The following MAPK4 variants were observed in gnomAD, a reference collection of about 807,000 sequenced individuals.
MAPK4 encodes the protein mitogen-activated protein kinase 4.
In MAPK4, 22 loss-of-function variants were observed where a neutral mutation model predicts 47.7. The observed-to-expected ratio is 0.46, with a 90% CI of 0.33 to 0.66. MAPK4 has a LOEUF of 0.66. Ranked by LOEUF, MAPK4 falls within the 30% of genes least tolerant of loss-of-function variation. The probability of loss-of-function intolerance (pLI) is 0.02; values close to 1 mark genes in which losing one functional copy is unlikely to be tolerated. For missense variants in MAPK4, 736 were observed against 831.7 expected (o/e 0.88, Z 1.42); for synonymous variants, 390 against 365.7 (o/e 1.07, Z -0.76).
Position 50,664,034 on chromosome 18 carries a change from C to T in MAPK4, c.76C>T (p.Leu26=), listed in dbSNP as rs1907437776. ...LGGRFVDFQP[L]GFGVNGLVLS... is the part of the protein sequence containing the mutation. ...TGGGCGCTTTGTTGACTTCCAACCC[C>T]TGGGCTTCGGTGTCAATGGTTTGGT... The change falls in exon 2 of 6, where the codon CTG becomes TTG. Residue 26 remains leucine (L), a synonymous_variant. Transcript: ENST00000400384. This position sits in a 1 kb window ranked among gnomAD's most constrained non-coding sequence, Gnocchi z 6.0. 1 of 1,613,784 alleles carries T rather than the reference C, an allele frequency of 6.2e-7. No homozygotes were observed. Among genetic ancestry groups the T allele is most frequent in the African/African-American group, 1.3e-5 (1 of 75,038 alleles).
chr18:50,572,111 G>T lies in MAPK4; in HGVS notation c.-871+11868G>T, dbSNP rs117957728. On this transcript the variant is annotated intron_variant, in intron 1 of 5. Transcript: ENST00000400384. ...GGTGAGAAAATGAAAAATTTCTTAT[G>T]AATTATTATGAAGTTTCAATACTTG... Among the ~76,000 whole-genome samples the T allele has an allele frequency of 5.8e-3, 889 of 152,260 alleles. 6 individuals carry two copies. The highest frequency in any genetic ancestry group is 6.1e-3 in the Non-Finnish European group (418 of 68,016).
At chr18:50,582,781 C>T (rs1189093822) in intron 1 of MAPK4, among the ~76,000 whole-genome samples, 1 of 152,268 alleles carries the variant, frequency 6.6e-6, no homozygotes, top group Non-Finnish European at 1.5e-5. Context: ...ACACGAGCAG[C>T]TTCCATGTTG....
chr18:50,592,329 C>A, intron 1 of MAPK4, among the ~76,000 whole-genome samples: 1 of 152,094 alleles, frequency 6.6e-6, no homozygotes, highest in East Asian at 1.9e-4. Flanking sequence ...AAATAAAAAT[C>A]TATAAAGAAC....
intron 2 of MAPK4, among the ~76,000 whole-genome samples, chr18:50,665,300 C>A (rs907719471): frequency 6.6e-6 from 1 of 152,222 alleles, no homozygotes; most frequent in Non-Finnish European, 1.5e-5. Flanking sequence ...ACATTCCCTT[C>A]CTTCCCCTGC....
intron 1 of MAPK4, among the ~76,000 whole-genome samples, chr18:50,583,070 G>C (rs185048857): frequency 7.2e-5 from 11 of 152,320 alleles, no homozygotes. Context: ...GTGACCAAGA[G>C]GAATGAGGTG....
intron 1 of MAPK4, among the ~76,000 whole-genome samples, chr18:50,626,233 A>G (rs1296997158): frequency 3.9e-5 from 6 of 152,222 alleles, no homozygotes; most frequent in Admixed American, 3.9e-4. Flanking sequence ...ATCCAGAATA[A>G]TGTTTGACCA....
intron 2 of MAPK4, among the ~76,000 whole-genome samples, chr18:50,676,911 G>A (rs941036537): frequency 6.6e-6 from 1 of 152,180 alleles, no homozygotes; most frequent in Non-Finnish European, 1.5e-5. Context: ...AAATAGACTT[G>A]AGTAAGGGTC....
intron 1 of MAPK4, among the ~76,000 whole-genome samples, chr18:50,588,122 C>CG (rs2035784713): frequency 1.8e-3 from 2 of 1,120 alleles, no homozygotes; most frequent in Admixed American, 0.019. Flanking sequence ...CACCCCAAAA[C>CG]TTGTGCCTTA....
intron 1 of MAPK4, among the ~76,000 whole-genome samples, chr18:50,605,594 G>T (rs1315545086): frequency 6.6e-6 from 1 of 152,178 alleles, no homozygotes; most frequent in African/African-American, 2.4e-5. Flanking sequence ...TGGGCAGTTT[G>T]CCGATCTCCT....
chr18:50,648,075 C>T (rs956066675), intron 1 of MAPK4, among the ~76,000 whole-genome samples: 12 of 151,118 alleles, frequency 7.9e-5, no homozygotes, highest in African/African-American at 2.9e-4. Context: ...TCTTGGGATT[C>T]CCAGTATGAT....
At chr18:50,593,650 C>T (rs1196571572) in intron 1 of MAPK4, among the ~76,000 whole-genome samples, 2 of 152,108 alleles carry the variant, frequency 1.3e-5, no homozygotes, top group Non-Finnish European at 2.9e-5. Context: ...AATCCACTCC[C>T]CTAAAAGGAC....
intron 2 of MAPK4, among the ~76,000 whole-genome samples, chr18:50,693,551 G>A (rs1598919273): frequency 6.6e-6 from 1 of 152,160 alleles, no homozygotes; most frequent in East Asian, 1.9e-4. Flanking sequence ...TCTGAGTGCT[G>A]CACTATGTGA....
intron 2 of MAPK4, chr18:50,704,930 G>A: frequency 2.5e-6 from 1 of 396,990 alleles, no homozygotes. Context: ...AAGTGCTTTT[G>A]GACTCACATT....
intron 2 of MAPK4, among the ~76,000 whole-genome samples, chr18:50,712,774 A>G (rs1039734111): frequency 6.6e-6 from 1 of 152,212 alleles, no homozygotes; most frequent in African/African-American, 2.4e-5. Flanking sequence ...CTGTGCATTT[A>G]CATATCAGAG....
chr18:50,674,886 G>A (rs1471979573), intron 2 of MAPK4, among the ~76,000 whole-genome samples: 1 of 152,130 alleles, frequency 6.6e-6, no homozygotes, highest in Non-Finnish European at 1.5e-5. Flanking sequence ...AACAAGCCAA[G>A]CCTCTGCCTT....
At chr18:50,618,589 C>T (rs1017303648) in intron 1 of MAPK4, among the ~76,000 whole-genome samples, 18 of 152,202 alleles carry the variant, frequency 1.2e-4, no homozygotes, top group Admixed American at 2.0e-4. Flanking sequence ...TAGGGGTAAA[C>T]GCTGCATCTT....
chr18:50,628,007 C>T (rs897200692), intron 1 of MAPK4, among the ~76,000 whole-genome samples: 4 of 152,146 alleles, frequency 2.6e-5, no homozygotes, highest in Non-Finnish European at 5.9e-5. Flanking sequence ...AGGGAATAAG[C>T]TCCCACCAGG....
At chr18:50,634,308 T>A (rs1273037793) in intron 1 of MAPK4, among the ~76,000 whole-genome samples, 2 of 53,138 alleles carry the variant, frequency 3.8e-5, no homozygotes, top group African/African-American at 9.0e-5. Flanking sequence ...TCAGGTGTTT[T>A]TTTTTTCTTT....
intron 1 of MAPK4, among the ~76,000 whole-genome samples, chr18:50,648,350 C>A (rs1483924726): frequency 1.3e-5 from 2 of 152,100 alleles, no homozygotes; most frequent in East Asian, 3.9e-4. Context: ...GGGGGGCAGC[C>A]TCTGGAGAGT....
Sources: allele counts gnomAD v4.1 joint callset (sites outside exome capture counted in the v4.1 genomes callset), GRCh38; gene constraint gnomAD v4.1.1; non-coding constraint Gnocchi (gnomAD v3.1); transcripts MANE v1.5; gene names NCBI Gene and HGNC (gene_info 2026-07-23, HGNC 2026-07-21).